Variants in HAS3 observed in about 807,000 individuals in gnomAD.
The protein encoded by HAS3 is HA synthase 3.
HAS3 carries 27 observed loss-of-function variants against 50.3 expected under a neutral mutation model. That is an observed-to-expected ratio of 0.54 (90% CI 0.40 to 0.74). The LOEUF (loss-of-function observed/expected upper bound fraction) is 0.74, where lower values mean the gene tolerates loss of function less well. Ranked by LOEUF, HAS3 falls within the 30% of genes least tolerant of loss-of-function variation. HAS3 has a pLI of 0.00. For synonymous variants in HAS3, 339 were observed against 310.9 expected (o/e 1.09, Z -0.95); for missense variants, 517 against 742.8 (o/e 0.70, Z 3.53).
chr16:69,094,292 A>C, the HAS3 span, among the ~76,000 whole-genome samples: 1 of 152,148 alleles, frequency 6.6e-6, no homozygotes, highest in African/African-American at 2.4e-5. Context: ...GCTGGGGAGA[A>C]CAAAGCAGCC....
rs1025640650 is a variant in HAS3 at position 69,117,533 on chromosome 16, T to C, written c.*2267T>C. On this transcript the variant is annotated 3_prime_UTR_variant, in exon 4 of 4. Transcript: ENST00000569188. ...CATTGAGAATTCAAATCCTCTTTTG[T>C]ATTGTTTCTACAATAATTTGTAAAC... 1 of 923,756 alleles carries C rather than the reference T, an allele frequency of 1.1e-6. No homozygotes were observed. The highest frequency in any genetic ancestry group is 1.3e-6 in the Non-Finnish European group (1 of 773,636). The allele number at this position is 923,756 out of a possible 1,614,324, so 57.2% of individuals were successfully genotyped here.
chr16:69,085,592 CTTTT>C, the HAS3 span, among the ~76,000 whole-genome samples: 30 of 143,562 alleles, frequency 2.1e-4, no homozygotes, highest in Admixed American at 1.8e-3. Flanking sequence ...TTCTTTCTTT[CTTTT>C]TTTTTTTTTT....
upstream of HAS3, among the ~76,000 whole-genome samples, chr16:69,104,992 G>GGTTTTT (rs1567576954): frequency 1.5e-4 from 12 of 81,960 alleles, 1 homozygote; most frequent in Non-Finnish European, 1.4e-4. Context: ...CTGTTTTTTG[G>GGTTTTT]TTTTTTTTTT....
At chr16:69,111,672 C>T (rs1451000325) in intron 2 of HAS3, among the ~76,000 whole-genome samples, 3 of 152,188 alleles carry the variant, frequency 2.0e-5, no homozygotes, top group Non-Finnish European at 4.4e-5. Flanking sequence ...TTCCTAGGCC[C>T]AGGACCTCCT....
chr16:69,117,507 TCATTG>T lies in HAS3; in HGVS notation c.*2242_*2246del. ...CAATTGGACGCATTTTGGTTTTTCC[TCATTG>T]AGAATTCAAATCCTCTTTTGTATTG... On this transcript the variant is annotated 3_prime_UTR_variant, in exon 4 of 4. Coordinates refer to ENST00000569188, the MANE Select transcript of HAS3 (RefSeq NM_001199280.2). The T allele has an allele frequency of 1.0e-6, 1 of 959,620 alleles. No individual in the cohort carries two copies. The highest frequency in any genetic ancestry group is 1.2e-6 in the Non-Finnish European group (1 of 806,024). 59.4% of individuals were successfully genotyped at this position (959,620 alleles called of 1,614,324 possible). A position where few individuals can be genotyped will look rare whatever the true frequency, so the allele number is the denominator to read the frequency against.
chr16:69,098,954 G>A, the HAS3 span, among the ~76,000 whole-genome samples: 3 of 150,994 alleles, frequency 2.0e-5, no homozygotes, highest in Non-Finnish European at 4.4e-5. Context: ...GAGCCACTGC[G>A]CCCAGCCTGA....
upstream of HAS3, among the ~76,000 whole-genome samples, chr16:69,102,291 A>G (rs1960705112): frequency 6.6e-6 from 1 of 152,248 alleles, no homozygotes. Flanking sequence ...ACCTGTGGAA[A>G]AGCCAATTCA....
chr16:69,095,842 T>C, the HAS3 span, among the ~76,000 whole-genome samples: 1 of 152,212 alleles, frequency 6.6e-6, no homozygotes, highest in Non-Finnish European at 1.5e-5. Context: ...GGTCTAACTT[T>C]GGACCTCCTG....
the HAS3 span, among the ~76,000 whole-genome samples, chr16:69,091,757 A>G: frequency 6.6e-6 from 1 of 152,220 alleles, no homozygotes; most frequent in Non-Finnish European, 1.5e-5. Flanking sequence ...TGGCTTATAC[A>G]TAGTCATCCG....
chr16:69,091,746 G>A, the HAS3 span, among the ~76,000 whole-genome samples: 3,911 of 152,242 alleles, frequency 0.026, 167 homozygotes, highest in African/African-American at 0.088. Flanking sequence ...TTACTAGTTC[G>A]TGGCTTATAC....
the HAS3 span, among the ~76,000 whole-genome samples, chr16:69,094,638 C>T: frequency 3.9e-5 from 6 of 152,140 alleles, no homozygotes; most frequent in Admixed American, 1.3e-4. Flanking sequence ...AGAGACTATC[C>T]TTCCCCATCC....
chr16:69,099,852 G>A, the HAS3 span, among the ~76,000 whole-genome samples: 2 of 151,860 alleles, frequency 1.3e-5, no homozygotes, highest in Non-Finnish European at 2.9e-5. Flanking sequence ...CTAGGGGAGG[G>A]AGAGAAAAGA....
the HAS3 span, among the ~76,000 whole-genome samples, chr16:69,096,812 T>C: frequency 6.6e-5 from 10 of 150,910 alleles, no homozygotes; most frequent in African/African-American, 2.4e-4. Flanking sequence ...AGAGATGGGG[T>C]TTTATCATGT....
At chr16:69,089,645 T>C in the HAS3 span, among the ~76,000 whole-genome samples, 2 of 152,180 alleles carry the variant, frequency 1.3e-5, no homozygotes, top group African/African-American at 4.8e-5. Context: ...TGCTGCCTCT[T>C]TCCTGCAGGC....
chr16:69,094,834 G>A, the HAS3 span, among the ~76,000 whole-genome samples: 621 of 152,192 alleles, frequency 4.1e-3, 19 homozygotes, highest in Admixed American at 0.036. Flanking sequence ...CAGGTGTATC[G>A]GAGAGACCTG....
chr16:69,096,215 CAAAAA>C, the HAS3 span, among the ~76,000 whole-genome samples: 2 of 58,106 alleles, frequency 3.4e-5, no homozygotes, highest in Non-Finnish European at 6.6e-5. Context: ...GACTCCGTCT[CAAAAA>C]AAAAAAAAAA....
Position 69,114,321 on chromosome 16 carries a change from C to A in HAS3, c.739-22C>A. The A allele has an allele frequency of 6.4e-7, 1 of 1,568,048 alleles. No homozygotes were observed. Among genetic ancestry groups the A allele is most frequent in the African/African-American group, 1.3e-5 (1 of 74,380 alleles). The stretch of plus-strand genomic sequence containing the variant: ...TCCGGACGTGCAACCTTAGGAGGCC[C>A]AGCATCTCTATTCCCTTGCAGATCC... On this transcript the variant is annotated intron_variant, in intron 3 of 3. Transcript: ENST00000569188. The surrounding 1 kb of genome is among the most constrained non-coding windows in gnomAD (Gnocchi z 6.4).
chr16:69,096,260 C>T, the HAS3 span, among the ~76,000 whole-genome samples: 5 of 147,784 alleles, frequency 3.4e-5, no homozygotes, highest in South Asian at 2.1e-4. Flanking sequence ...TGGCTGGGCA[C>T]GGTGGCTCAC....
chr16:69,089,887 G>C, the HAS3 span, among the ~76,000 whole-genome samples: 1 of 152,214 alleles, frequency 6.6e-6, no homozygotes, highest in South Asian at 2.1e-4. Context: ...TGCAAGATCA[G>C]TGTTTGCATT....
Sources: allele counts gnomAD v4.1 joint callset (sites outside exome capture counted in the v4.1 genomes callset), GRCh38; gene constraint gnomAD v4.1.1; non-coding constraint Gnocchi (gnomAD v3.1); transcripts MANE v1.5; gene names NCBI Gene and HGNC (gene_info 2026-07-23, HGNC 2026-07-21).